Variants in SDR42E2 observed in about 807,000 individuals in gnomAD.
SDR42E2 encodes the protein short chain dehydrogenase/reductase family 42E, member 2.
In SDR42E2, 20 loss-of-function variants were observed where a neutral mutation model predicts 10.5. The ratio of observed to expected loss-of-function variants is 1.90; its 90% CI spans 1.34 to 2.77. SDR42E2 has a LOEUF of 2.77. SDR42E2 is among the 30% of genes most tolerant of loss of function. The pLI is 0.00. For missense variants in SDR42E2, 162 were observed against 104.2 expected (o/e 1.55, Z -2.42); for synonymous variants, 72 against 39.2 (o/e 1.84, Z -3.12).
intron 7 of SDR42E2, among the ~76,000 whole-genome samples, chr16:22,176,172 G>A (rs1191317885): frequency 6.6e-6 from 1 of 152,128 alleles, no homozygotes. Context: ...AGGCTGAAGT[G>A]TAGTGGCGCT....
chr16:22,178,127 TAGG>T lies in SDR42E2; in HGVS notation c.594_596del (p.Gly199del). The T allele has an allele frequency of 1.4e-6, 1 of 702,650 alleles. No individual in the cohort carries two copies. Among genetic ancestry groups the T allele is most frequent in the South Asian group, 1.5e-5 (1 of 67,580 alleles). 43.5% of individuals were successfully genotyped at this position (702,650 alleles called of 1,614,324 possible). A position where few individuals can be genotyped will look rare whatever the true frequency, so the allele number is the denominator to read the frequency against. ...CCCCTGACCACGCTTCCCTGTGTGC[TAGG>T]AGGAGGCACTCTTCGGACGTGTGTG... On this transcript the variant is annotated splice_acceptor_variant and coding_sequence_variant, in exon 8 of 13. Transcript: ENST00000602312. LOFTEE classifies it high-confidence loss of function.
intron 6 of SDR42E2, among the ~76,000 whole-genome samples, chr16:22,171,527 GTTTGT>G (rs966200541): frequency 6.7e-6 from 1 of 150,182 alleles, no homozygotes; most frequent in African/African-American, 2.4e-5. Context: ...CGTGTTGTTT[GTTTGT>G]TTTGTTTTGT....
chr16:22,189,197 G>T (rs959229869), intron 12 of SDR42E2, among the ~76,000 whole-genome samples: 3 of 152,172 alleles, frequency 2.0e-5, no homozygotes, highest in African/African-American at 7.2e-5. Context: ...AAGCATCCAA[G>T]ACCACAGGTT....
rs537215763 is a variant in SDR42E2 at position 22,167,855 on chromosome 16, T to A, written c.336+856T>A. Among the ~76,000 whole-genome samples the A allele has an allele frequency of 2.6e-5, 4 of 152,298 alleles. No homozygotes were observed. The South Asian group carries it at 8.3e-4, about 32-fold the overall frequency. Reference sequence around the variant, plus strand: ...GCAGTGTTTGGCATTCTCCTGTTTGTTTCCAAAAAAAGCTAAAGAAACTAT... The same window carrying A: ...GCAGTGTTTGGCATTCTCCTGTTTGATTCCAAAAAAAGCTAAAGAAACTAT... On this transcript the variant is annotated intron_variant, in intron 4 of 12. Coordinates refer to ENST00000602312, the MANE Select transcript of SDR42E2 (RefSeq NM_001394319.2).
intron 7 of SDR42E2, among the ~76,000 whole-genome samples, chr16:22,176,545 A>G (rs987351714): frequency 5.9e-5 from 9 of 152,308 alleles, no homozygotes; most frequent in Admixed American, 4.6e-4. Flanking sequence ...TAAATCTTAA[A>G]CATGAATTAT....
At chr16:22,181,379 T>A (rs2046691910) in intron 8 of SDR42E2, 140 bp from the exon 9 acceptor site, 1 of 621,658 alleles carries the variant, frequency 1.6e-6, no homozygotes, top group Non-Finnish European at 2.9e-6. Flanking sequence ...CCGTTGCTGA[T>A]ATTCAGAGAG....
intron 4 of SDR42E2, among the ~76,000 whole-genome samples, chr16:22,167,904 T>C (rs550799308): frequency 6.6e-6 from 1 of 152,318 alleles, no homozygotes; most frequent in South Asian, 2.1e-4. Flanking sequence ...CACACATGCT[T>C]ATATGCTGAT....
intron 3 of SDR42E2, 61 bp downstream of exon 3, chr16:22,166,495 G>T: frequency 2.5e-6 from 1 of 402,590 alleles, no homozygotes; most frequent in Non-Finnish European, 4.4e-6. Flanking sequence ...GACAGTGTTT[G>T]ATGTGAAACC....
chr16:22,180,630 G>A (rs1298818147), intron 8 of SDR42E2, among the ~76,000 whole-genome samples: 1 of 152,138 alleles, frequency 6.6e-6, no homozygotes, highest in African/African-American at 2.4e-5. Flanking sequence ...TTGAGCCCGG[G>A]AGTTCAAGGC....
chr16:22,186,677 C>T, intron 11 of SDR42E2, 44 bp from the exon 12 acceptor site: 1 of 401,236 alleles, frequency 2.5e-6, no homozygotes, highest in Non-Finnish European at 4.4e-6. Flanking sequence ...CTGGAGTTTG[C>T]ATAATGTGAG....
At chr16:22,166,182 G>T (rs1470717175) in intron 2 of SDR42E2, 68 bp from the exon 3 acceptor site, 1 of 420,332 alleles carries the variant, frequency 2.4e-6, no homozygotes, top group Non-Finnish European at 4.2e-6. Flanking sequence ...CAGAGCTAGG[G>T]CCTGGGCTCA....
In SDR42E2 at chr16:22,170,875, C is replaced by T. The variant is rs1290036605; in HGVS notation, c.437C>T (p.Thr146Ile). 1 of 703,022 alleles carries T rather than the reference C, an allele frequency of 1.4e-6. No individual in the cohort carries two copies. The highest frequency in any genetic ancestry group is 2.6e-6 in the Non-Finnish European group (1 of 385,010). The allele number at this position is 703,022 out of a possible 1,614,324, so 43.5% of individuals were successfully genotyped here. ...RRVPRLIYTS[T>I]VNVAFGGKPI... ...GTTCCAAGGCTCATCTATACCAGCA[C>T]TGTCAATGTTGCATTTGGAGGGAAG... Residue 146 changes from threonine (T) to isoleucine (I), a missense_variant, in exon 6 of 13, where the codon ACT (threonine) becomes ATT (isoleucine). Physicochemically the swap from Thr to Ile is moderately conservative, Grantham distance 89. Transcript: ENST00000602312.
At chr16:22,177,416 C>T (rs962128089) in intron 7 of SDR42E2, among the ~76,000 whole-genome samples, 2 of 152,238 alleles carry the variant, frequency 1.3e-5, no homozygotes, top group African/African-American at 4.8e-5. Context: ...CACCTGGGGT[C>T]AGGAGTTCAA....
intron 12 of SDR42E2, among the ~76,000 whole-genome samples, chr16:22,189,237 G>A (rs753835217): frequency 1.3e-5 from 2 of 152,266 alleles, no homozygotes; most frequent in Non-Finnish European, 2.9e-5. Context: ...AATGCCATGG[G>A]AGAATCCAGC....
At chr16:22,165,510 T>C (rs2046527285) in intron 1 of SDR42E2, 37 bp from the exon 2 acceptor site, 1 of 400,768 alleles carries the variant, frequency 2.5e-6, no homozygotes, top group South Asian at 1.3e-4. Context: ...CTTGAAACGA[T>C]TCTAGAGCAT....
chr16:22,189,542 C>T (rs781679323), intron 12 of SDR42E2, among the ~76,000 whole-genome samples: 2 of 152,152 alleles, frequency 1.3e-5, no homozygotes, highest in African/African-American at 2.4e-5. Flanking sequence ...TCATTACTAC[C>T]CTTCAAACCA....
chr16:22,174,618 CA>C (rs1159847045), intron 7 of SDR42E2, among the ~76,000 whole-genome samples: 1 of 151,196 alleles, frequency 6.6e-6, no homozygotes, highest in African/African-American at 2.4e-5. Flanking sequence ...TAGAAATATC[CA>C]GCTGTTCTCC....
chr16:22,186,263 G>A (rs1254583953), intron 11 of SDR42E2, among the ~76,000 whole-genome samples: 2 of 151,478 alleles, frequency 1.3e-5, no homozygotes, highest in Non-Finnish European at 2.9e-5. Flanking sequence ...CTGGAGTGCA[G>A]TGGTGCAATC....
At chr16:22,185,388 GC>G (rs2046729374) in intron 11 of SDR42E2, among the ~76,000 whole-genome samples, 2 of 152,124 alleles carry the variant, frequency 1.3e-5, no homozygotes, top group African/African-American at 4.8e-5. Flanking sequence ...CAGCATTGCC[GC>G]AGTGATTGGT....
Sources: allele counts gnomAD v4.1 joint callset (sites outside exome capture counted in the v4.1 genomes callset), GRCh38; gene constraint gnomAD v4.1.1; transcripts MANE v1.5; gene names NCBI Gene and HGNC (gene_info 2026-07-23, HGNC 2026-07-21).